CFAP58: variants seen among roughly 807,000 people sequenced by gnomAD.
CFAP58 encodes cilia and flagella associated protein 58, also known as cilia- and flagella-associated protein 58.
In CFAP58, 88 loss-of-function variants were observed where a neutral mutation model predicts 119.5. The ratio of observed to expected loss-of-function variants is 0.74; its 90% CI spans 0.62 to 0.88. The LOEUF is 0.88. Among genes scored for constraint, CFAP58 ranks in the 40% least tolerant of loss-of-function variants. The pLI is 0.00. For missense variants in CFAP58, 990 were observed against 1,021.2 expected, an observed-to-expected ratio of 0.97 and a Z score of 0.42; for synonymous variants, 365 against 366.3, an observed-to-expected ratio of 1.00 and a Z score of 0.04.
At chr10:104,383,798 G>A (rs941002442) in intron 9 of CFAP58, among the ~76,000 whole-genome samples, 14 of 130,954 alleles carry the variant, frequency 1.1e-4, no homozygotes, top group South Asian at 2.4e-4. Context: ...TCTCACAAAC[G>A]AAAAGCTCCC....
intron 15 of CFAP58, among the ~76,000 whole-genome samples, chr10:104,409,254 T>G (rs1276292648): frequency 6.6e-6 from 1 of 152,210 alleles, no homozygotes; most frequent in Non-Finnish European, 1.5e-5. Flanking sequence ...TAGGAGATAT[T>G]TTATAATATT....
intron 15 of CFAP58, among the ~76,000 whole-genome samples, chr10:104,446,964 C>T (rs1251832331): frequency 1.3e-5 from 2 of 152,036 alleles, no homozygotes; most frequent in Admixed American, 1.3e-4. Flanking sequence ...ATATTTACCT[C>T]TTCCCTCAAG....
At position 104,368,443 on chromosome 10, in the gene CFAP58, A is replaced by G. The variant is rs893313789; in HGVS notation, c.813A>G (p.Ala271=). The change falls in exon 6 of 18, where the codon GCA becomes GCG. Residue 271 remains alanine (A), a synonymous_variant. Coordinates refer to ENST00000369704, the MANE Select transcript of CFAP58 (RefSeq NM_001008723.2). ...TTCAGATATTGAATGAGAGAGCTGC[A>G]AAGGAACTCGAGCAATTTCAGATGA... is the stretch of plus-strand genomic sequence containing the variant. ...KEQKILNERA[A]KELEQFQMRN... 1.1e-5 allele frequency: 17 copies of G among 1,613,824 alleles called. No individual in the cohort carries two copies. In the African/African-American group the frequency reaches 1.7e-4, roughly 16 times the overall value.
intron 9 of CFAP58, among the ~76,000 whole-genome samples, chr10:104,381,853 T>C (rs1440819734): frequency 6.6e-6 from 1 of 152,162 alleles, no homozygotes; most frequent in African/African-American, 2.4e-5. Flanking sequence ...ACACCCCTAA[T>C]TGGGAGCCAT....
chr10:104,453,575 T>C (rs1417107133), intron 17 of CFAP58, among the ~76,000 whole-genome samples: 1 of 152,222 alleles, frequency 6.6e-6, no homozygotes, highest in Non-Finnish European at 1.5e-5. Context: ...ACCAGATTCT[T>C]TTCCAAAAGA....
intron 15 of CFAP58, among the ~76,000 whole-genome samples, chr10:104,432,103 C>T (rs1321668572): frequency 2.0e-5 from 3 of 151,816 alleles, no homozygotes; most frequent in African/African-American, 7.3e-5. Context: ...AGTATAATAC[C>T]AAAGGCAGAA....
intron 15 of CFAP58, among the ~76,000 whole-genome samples, chr10:104,430,749 C>A (rs1479424907): frequency 6.6e-6 from 1 of 151,966 alleles, no homozygotes; most frequent in Non-Finnish European, 1.5e-5. Context: ...ATAATGTGAG[C>A]CATGTGTGTG....
At chr10:104,370,099 C>G (rs2014802711) in intron 6 of CFAP58, among the ~76,000 whole-genome samples, 1 of 152,274 alleles carries the variant, frequency 6.6e-6, no homozygotes. Flanking sequence ...AATTGACCTA[C>G]AATGGCCCAG....
intron 11 of CFAP58, among the ~76,000 whole-genome samples, chr10:104,394,296 C>G (rs1190762545): frequency 6.6e-6 from 1 of 152,208 alleles, no homozygotes; most frequent in Non-Finnish European, 1.5e-5. Context: ...AAAGGAACTT[C>G]TAAGAAAATA....
chr10:104,383,855 T>C (rs2011870742), intron 9 of CFAP58, among the ~76,000 whole-genome samples: 1 of 152,034 alleles, frequency 6.6e-6, no homozygotes, highest in Non-Finnish European at 1.5e-5. Flanking sequence ...TATCAAAGGC[T>C]GGGGAAGATG....
chr10:104,392,966 A>G (rs1355617083), intron 10 of CFAP58, among the ~76,000 whole-genome samples: 1 of 152,146 alleles, frequency 6.6e-6, no homozygotes, highest in Non-Finnish European at 1.5e-5. Flanking sequence ...AAAACTGCTA[A>G]TAGCTACCAT....
At chr10:104,356,287 C>T (rs889482531) in intron 1 of CFAP58, among the ~76,000 whole-genome samples, 1 of 152,104 alleles carries the variant, frequency 6.6e-6, no homozygotes, top group African/African-American at 2.4e-5. Flanking sequence ...CAAGTGTTTT[C>T]GAAAACCAAG....
intron 15 of CFAP58, among the ~76,000 whole-genome samples, chr10:104,440,629 C>A (rs1176673658): frequency 6.6e-6 from 1 of 152,152 alleles, no homozygotes; most frequent in African/African-American, 2.4e-5. Context: ...CAATAACTAT[C>A]AAATTCCCTC....
rs745527278 is a variant in CFAP58, at chr10:104,406,784, G to C, written c.2247G>C (p.Leu749=). 39 of 1,613,790 alleles carry C rather than the reference G, an allele frequency of 2.4e-5. No individual in the cohort carries two copies. The highest frequency in any genetic ancestry group is 3.1e-5 in the Non-Finnish European group (37 of 1,179,816). Residue 749 remains leucine, a synonymous_variant, in exon 15 of 18, where the codon CTG becomes CTC. Transcript: ENST00000369704. ...CTGAAGAGGTGGTTGAAAAAGAGCT[G>C]CTCCTCCAGGTAGCATTTTTGTTTT... ...SKTEEVVEKE[L]LLQEKEKLYM...
At chr10:104,422,651 G>C (rs975402576) in intron 15 of CFAP58, among the ~76,000 whole-genome samples, 15 of 152,304 alleles carry the variant, frequency 9.8e-5, no homozygotes, top group African/African-American at 3.6e-4. Flanking sequence ...CGAGAGGGAA[G>C]TAGTGTCTGA....
At chr10:104,392,085 G>A in intron 9 of CFAP58, 148 bp from the exon 10 acceptor site, 1 of 622,808 alleles carries the variant, frequency 1.6e-6, no homozygotes, top group Non-Finnish European at 2.8e-6. Flanking sequence ...GAATTTCTGT[G>A]TTGTACTGCA....
chr10:104,426,468 C>G (rs761001635), intron 15 of CFAP58, among the ~76,000 whole-genome samples: 5 of 151,856 alleles, frequency 3.3e-5, no homozygotes, highest in African/African-American at 1.2e-4. Context: ...CCTCCCCACT[C>G]CCCCCAGCTA....
At chr10:104,381,041 T>C (rs1589915773) in intron 9 of CFAP58, among the ~76,000 whole-genome samples, 1 of 152,028 alleles carries the variant, frequency 6.6e-6, no homozygotes, top group African/African-American at 2.4e-5. Context: ...TCCCAACTAC[T>C]TGGAGGGCTG....
chr10:104,386,208 T>G (rs1420157904), intron 9 of CFAP58, among the ~76,000 whole-genome samples: 1 of 151,522 alleles, frequency 6.6e-6, no homozygotes, highest in East Asian at 1.9e-4. Flanking sequence ...TGAAACACCA[T>G]TTCTACTAAA....
Sources: allele counts gnomAD v4.1 joint callset (sites outside exome capture counted in the v4.1 genomes callset), GRCh38; gene constraint gnomAD v4.1.1; transcripts MANE v1.5; gene names NCBI Gene and HGNC (gene_info 2026-07-23, HGNC 2026-07-21).